Variants in LY75 observed in about 807,000 individuals in gnomAD.
LY75 encodes the protein C-type lectin domain family 13 member B.
Under a neutral mutation model 231.7 loss-of-function variants are expected in LY75, and 185 were observed. The ratio of observed to expected loss-of-function variants is 0.80; its 90% confidence interval spans 0.71 to 0.90. The LOEUF (loss-of-function observed/expected upper bound fraction) is 0.90. Ranked by LOEUF, LY75 falls within the 40% of genes least tolerant of loss-of-function variation. The probability of loss-of-function intolerance (pLI) is 0.00; values close to 1 mark genes in which losing one functional copy is unlikely to be tolerated. For synonymous variants in LY75, 668 were observed against 689.0 expected (o/e 0.97, Z 0.48); for missense variants, 1,947 against 2,050.2 (o/e 0.95, Z 0.97).
At chr2:159,845,521 A>T (rs1398354773) in intron 23 of LY75, among the ~76,000 whole-genome samples, 1 of 151,684 alleles carries the variant, frequency 6.6e-6, no homozygotes, top group Non-Finnish European at 1.5e-5. Context: ...GATTCAACCA[A>T]CTGCAGATGG....
intron 13 of LY75, among the ~76,000 whole-genome samples, chr2:159,871,557 C>T (rs916067548): frequency 3.9e-5 from 6 of 152,044 alleles, no homozygotes; most frequent in African/African-American, 7.2e-5. Context: ...AGGAAAAGAA[C>T]ATTATAGTCT....
Position 159,819,794 on chromosome 2 carries a change from G to A in LY75, c.4085C>T (p.Thr1362Ile). The A allele has an allele frequency of 6.2e-7, 1 of 1,613,898 alleles. No homozygotes were observed. Among genetic ancestry groups the A allele is most frequent in the Non-Finnish European group, 8.5e-7 (1 of 1,179,944 alleles). Residue 1362 changes from threonine to isoleucine, a missense_variant, in exon 29 of 35, where the codon ACC becomes ATC. Transcript: ENST00000263636. ...AACTGCTTCTTCAATAACTTTAAAGGTTTGAATATCCCAGAAGCCGTCAGT... is the reference window on the plus strand; with the variant it reads ...AACTGCTTCTTCAATAACTTTAAAGATTTGAATATCCCAGAAGCCGTCAGT... ...LSTDGFWDIQ[T>I]FKVIEEAVYF...
intron 3 of LY75, among the ~76,000 whole-genome samples, chr2:159,892,435 G>A (rs1005938476): frequency 1.3e-5 from 2 of 152,090 alleles, no homozygotes; most frequent in African/African-American, 4.8e-5. Flanking sequence ...TCTCCCTTGT[G>A]CCTCACTGTG....
At chr2:159,852,937 G>A (rs962776491) in intron 20 of LY75, among the ~76,000 whole-genome samples, 20 of 152,176 alleles carry the variant, frequency 1.3e-4, no homozygotes, top group Non-Finnish European at 1.8e-4. Flanking sequence ...GGTAGGAAGA[G>A]AGTTGAAGGG....
chr2:159,892,176 T>C (rs116650458), intron 3 of LY75, among the ~76,000 whole-genome samples: 1,718 of 152,300 alleles, frequency 0.011, 17 homozygotes, highest in Non-Finnish European at 0.019. Flanking sequence ...AAACTCTCCA[T>C]GTGATTCTGT....
At chr2:159,900,719 C>T (rs902623444) in intron 1 of LY75, among the ~76,000 whole-genome samples, 21 of 152,114 alleles carry the variant, frequency 1.4e-4, no homozygotes, top group Non-Finnish European at 1.8e-4. Context: ...ACAGAAGCAA[C>T]GACAAGAGAA....
chr2:159,901,556 G>T (rs1686079756), intron 1 of LY75, among the ~76,000 whole-genome samples: 1 of 152,128 alleles, frequency 6.6e-6, no homozygotes, highest in Non-Finnish European at 1.5e-5. Flanking sequence ...TGCAGTTCTG[G>T]ATTTTTCAAA....
At chr2:159,827,925 G>A (rs952459140) in intron 28 of LY75, among the ~76,000 whole-genome samples, 2 of 152,114 alleles carry the variant, frequency 1.3e-5, no homozygotes, top group African/African-American at 4.8e-5. Flanking sequence ...CATGGACACA[G>A]GGAGTGGAAC....
chr2:159,837,125 C>A (rs1459660193), intron 25 of LY75, among the ~76,000 whole-genome samples: 2 of 152,204 alleles, frequency 1.3e-5, no homozygotes, highest in Non-Finnish European at 2.9e-5. Flanking sequence ...TTCAACCCAG[C>A]AATCCCATTA....
chr2:159,815,252 C>T (rs1443351012), intron 31 of LY75, among the ~76,000 whole-genome samples, 153 bp downstream of exon 31: 1 of 152,198 alleles, frequency 6.6e-6, no homozygotes, highest in Non-Finnish European at 1.5e-5. Context: ...CCGCACGCCT[C>T]GGCCTCCCAA....
Position 159,831,703 on chromosome 2 carries a change from C to T in LY75, c.3925G>A (p.Ala1309Thr). The change falls in exon 28 of 35, where the codon GCT becomes ACT. Residue 1309 changes from alanine to threonine, a missense_variant. By Grantham distance (58) the Ala-to-Thr change is moderately conservative. Coordinates refer to ENST00000263636, the MANE Select transcript of LY75 (RefSeq NM_002349.4). ...LEQLLYFNYM[A>T]SWVMLGITYR... ...GTTATTCCTAACATGACCCATGAAG[C>T]CATATAATTGAAGTACAGCAGTTGC... The T allele has an allele frequency of 6.2e-7, 1 of 1,612,284 alleles. No individual in the cohort carries two copies. The highest frequency in any genetic ancestry group is 8.5e-7 in the Non-Finnish European group (1 of 1,179,362).
At position 159,841,452 on chromosome 2, in the gene LY75, C is replaced by T. The variant is rs570696865; in HGVS notation, c.3281-497G>A. On this transcript the variant is annotated intron_variant, in intron 24 of 34. Coordinates refer to ENST00000263636, the MANE Select transcript of LY75 (RefSeq NM_002349.4). ...AAGATTAATTTAGCAAAAAAAAATTCTGCCAAAGCACATGAGATATCTACT... is the reference window on the plus strand; with the variant it reads ...AAGATTAATTTAGCAAAAAAAAATTTTGCCAAAGCACATGAGATATCTACT... Among the ~76,000 whole-genome samples, 337 of 152,162 alleles carry T rather than the reference C, an allele frequency of 2.2e-3. 2 individuals carry two copies. The highest frequency in any genetic ancestry group is 0.02 in the Middle Eastern group (6 of 294).
chr2:159,808,039 A>G (rs1682839710), intron 33 of LY75: 6 of 948,152 alleles, frequency 6.3e-6, no homozygotes, highest in Non-Finnish European at 7.5e-6. Flanking sequence ...GAAGGGAATA[A>G]CAAGAAGATA....
In LY75 at chr2:159,850,091, A is replaced by G; in HGVS notation, c.3039T>C (p.Gly1013=). ...LPDMEATLWI[G]LRWTAYEKIN... is the part of the protein sequence containing the mutation. ...TCTTTTCATAGGCAGTCCAGCGCAA[A>G]CCAATCCATAAAGTAGCTTCCATAT... is the stretch of plus-strand genomic sequence containing the variant. The change falls in exon 23 of 35, where the codon GGT becomes GGC. Residue 1013 remains glycine (G), a synonymous_variant. Transcript: ENST00000263636. 2.5e-6 allele frequency: 4 copies of G among 1,613,856 alleles called. No individual in the cohort carries two copies. The highest frequency in any genetic ancestry group is 3.4e-6 in the Non-Finnish European group (4 of 1,179,876).
chr2:159,869,168 A>C (rs1287040976), intron 13 of LY75, among the ~76,000 whole-genome samples: 1 of 151,994 alleles, frequency 6.6e-6, no homozygotes, highest in Non-Finnish European at 1.5e-5. Context: ...GTGATGGGGG[A>C]GGGATAGCAT....
intron 29 of LY75, among the ~76,000 whole-genome samples, chr2:159,818,176 A>T (rs2125832232): frequency 6.6e-6 from 1 of 152,340 alleles, no homozygotes. Flanking sequence ...GTGGAGGATA[A>T]CTTTCTACCC....
At chr2:159,854,790 A>G (rs768903765) in intron 17 of LY75, 114 bp downstream of exon 17, 148 of 1,465,486 alleles carry the variant, frequency 1.0e-4, no homozygotes, top group Admixed American at 8.5e-5. Flanking sequence ...GCCTGGAGAA[A>G]TTTTGTCTCA....
In LY75 at chr2:159,842,198, T is replaced by TATATATATATAC. The variant is rs774428351; in HGVS notation, c.3280+46_3280+47insGTATATATATAT. 2,233 of 1,571,936 alleles carry TATATATATATAC rather than the reference T, an allele frequency of 1.4e-3. 84 individuals are homozygous for TATATATATATAC. In the African/African-American group the frequency reaches 0.031, roughly 22 times the overall value. ...GACTCTCTCTCTCTCTATATATATA[T>TATATATATATAC]ATGTAATAGCATAAAGTACCATAGT... On this transcript the variant is annotated intron_variant, in intron 24 of 34. Transcript: ENST00000263636.
chr2:159,880,936 G>A (rs1685416454), intron 8 of LY75, 147 bp downstream of exon 8: 2 of 951,942 alleles, frequency 2.1e-6, no homozygotes, highest in South Asian at 2.0e-5. Flanking sequence ...TTCTTAACAG[G>A]TAATGGTCCG....
Sources: gnomAD v4.1 joint callset for allele counts (sites outside exome capture counted in the v4.1 genomes callset) on GRCh38, gnomAD v4.1.1 for gene constraint, MANE v1.5 for transcripts, NCBI Gene and HGNC (gene_info 2026-07-23, HGNC 2026-07-21) for gene names.